Variants in RPRD2 observed in about 807,000 individuals in gnomAD.
RPRD2 encodes regulation of nuclear pre-mRNA domain-containing protein 2.
In RPRD2, 12 loss-of-function variants were observed where a neutral mutation model predicts 104.4. That is an observed-to-expected ratio of 0.11 (90% CI 0.07 to 0.19). RPRD2 has a LOEUF of 0.19. Ranked by LOEUF, RPRD2 falls within the 10% of genes least tolerant of loss-of-function variation. RPRD2 has a pLI of 1.00. For missense variants in RPRD2, 1,543 were observed against 1,790.1 expected (o/e 0.86, Z 2.49); for synonymous variants, 714 against 684.9 (o/e 1.04, Z -0.66).
In RPRD2 at chr1:150,472,309, C is replaced by T. The variant is rs759447769; in HGVS notation, c.3361C>T (p.Arg1121Cys). ...TGGGAAGGGAAATAGAGGACATGGG[C>T]GTGAGGCTTCAAGGGTGGGTTGGTT... ...VPGKGNRGHG[R>C]EASRVGWFDL... The change falls in exon 11 of 11, where the codon CGT becomes TGT. Residue 1121 changes from arginine to cysteine, a missense_variant. By Grantham distance (180) the Arg-to-Cys change is radical. Around this residue, in one of 4 missense-constraint regions of RPRD2, gnomAD observed 880 missense variants for 885.6 expected, o/e 0.99. Coordinates refer to ENST00000369068, the MANE Select transcript of RPRD2 (RefSeq NM_015203.5). 2.2e-5 allele frequency: 36 copies of T among 1,613,752 alleles called. No individual in the cohort carries two copies. The highest frequency in any genetic ancestry group is 3.3e-5 in the Admixed American group (2 of 59,976).
Position 150,474,209 on chromosome 1 carries a change from T to G in RPRD2, c.*875T>G, listed in dbSNP as rs1486312122. ...AAAGACAGTCACTACAGTTGACTAT[T>G]GATACAAAGGTGCAACAGAAATATT... is the stretch of plus-strand genomic sequence containing the variant. On this transcript the variant is annotated 3_prime_UTR_variant, in exon 11 of 11. Coordinates refer to ENST00000369068, the MANE Select transcript of RPRD2 (RefSeq NM_015203.5). 6.6e-6 allele frequency: 1 copy of G among 152,200 alleles called. No homozygotes were observed. The highest frequency in any genetic ancestry group is 2.4e-5 in the African/African-American group (1 of 41,454). The allele number at this position is 152,200 out of a possible 1,614,324, so 9.4% of individuals were successfully genotyped here. A position where few individuals can be genotyped will look rare whatever the true frequency, so the allele number is the denominator to read the frequency against.
At chr1:150,447,992 G>T (rs1191125386) in intron 7 of RPRD2, among the ~76,000 whole-genome samples, 1 of 152,062 alleles carries the variant, frequency 6.6e-6, no homozygotes, top group Non-Finnish European at 1.5e-5. Flanking sequence ...GTTTTGTTGT[G>T]TAACTGTTTT....
rs587604681 is a variant in RPRD2, at chr1:150,388,383, C to T, written c.205+23464C>T. 1.1e-4 allele frequency among the ~76,000 whole-genome samples: 17 copies of T among 150,098 alleles called. No individual in the cohort carries two copies. In the South Asian group the frequency reaches 3.6e-3, roughly 31 times the overall value. ...ATATATACATGTATACACATATACACGTATACACATGTATATACGTGTATA... is the reference window on the plus strand; with the variant it reads ...ATATATACATGTATACACATATACATGTATACACATGTATATACGTGTATA... On this transcript the variant is annotated intron_variant, in intron 1 of 10. Coordinates refer to ENST00000369068, the MANE Select transcript of RPRD2 (RefSeq NM_015203.5).
intron 1 of RPRD2, among the ~76,000 whole-genome samples, chr1:150,393,994 G>T (rs144931829): frequency 6.6e-6 from 1 of 151,976 alleles, no homozygotes; most frequent in Non-Finnish European, 1.5e-5. Flanking sequence ...TTGATGATGC[G>T]CTTTATATCG....
intron 7 of RPRD2, among the ~76,000 whole-genome samples, chr1:150,450,584 C>G (rs1255055849): frequency 1.5e-4 from 17 of 112,326 alleles, no homozygotes; most frequent in African/African-American, 5.9e-4. Context: ...CCAGCCTGGG[C>G]GACAGAGCAA....
intron 6 of RPRD2, among the ~76,000 whole-genome samples, 174 bp downstream of exon 6, chr1:150,444,551 G>A (rs1475947061): frequency 6.6e-6 from 1 of 152,040 alleles, no homozygotes; most frequent in African/African-American, 2.4e-5. Flanking sequence ...AAATTCTGTT[G>A]TTCTCATTTC....
In RPRD2 at chr1:150,458,896, G is replaced by A. The variant is rs753684521; in HGVS notation, c.1154-1164G>A. On this transcript the variant is annotated intron_variant, in intron 8 of 10. Transcript: ENST00000369068. ...TGACCTCAAGTGATCCGCCTGCCTC[G>A]GCCTCTCAAAGTGCTGGGAGGTGGG... Among the ~76,000 whole-genome samples, 22 of 152,188 alleles carry A rather than the reference G, an allele frequency of 1.4e-4. No individual in the cohort carries two copies. The Middle Eastern group carries it at 0.014, about 94-fold the overall frequency.
At chr1:150,419,715 G>A (rs1327128444) in intron 2 of RPRD2, among the ~76,000 whole-genome samples, 1 of 152,112 alleles carries the variant, frequency 6.6e-6, no homozygotes, top group Non-Finnish European at 1.5e-5. Flanking sequence ...TCCGCCTCCT[G>A]GGTTCAAGCA....
rs587756925 is a variant in RPRD2 at position 150,408,820 on chromosome 1, G to T, written c.206-8776G>T. The T allele has an allele frequency of 2.0e-5, 3 of 152,152 alleles. No individual in the cohort carries two copies. The East Asian group carries it at 5.8e-4, about 29-fold the overall frequency. The allele number at this position is 152,152 out of a possible 1,614,324, so 9.4% of individuals were successfully genotyped here. ...TATAAATAACATTTTTGTCCATGTG[G>T]CTTTTTCTTCTTTTTGTTTTTCCTT... On this transcript the variant is annotated intron_variant, in intron 1 of 10. Transcript: ENST00000369068.
intron 1 of RPRD2, among the ~76,000 whole-genome samples, chr1:150,395,148 A>C (rs1014111414): frequency 1.3e-5 from 2 of 151,328 alleles, no homozygotes; most frequent in Non-Finnish European, 2.9e-5. Context: ...TTTATCCCTC[A>C]CCCCCTTCCC....
chr1:150,465,468 A>G (rs1668204787), intron 10 of RPRD2, among the ~76,000 whole-genome samples: 1 of 152,168 alleles, frequency 6.6e-6, no homozygotes, highest in Non-Finnish European at 1.5e-5. Context: ...GAATTATAAA[A>G]TGTGAAAGCT....
At chr1:150,426,137 A>C (rs1665110880) in intron 2 of RPRD2, among the ~76,000 whole-genome samples, 1 of 151,794 alleles carries the variant, frequency 6.6e-6, no homozygotes, top group South Asian at 2.1e-4. Flanking sequence ...ATGCCACTTA[A>C]AGCCTTCTAC....
At chr1:150,374,843 G>C (rs965679833) in intron 1 of RPRD2, among the ~76,000 whole-genome samples, 3 of 152,092 alleles carry the variant, frequency 2.0e-5, no homozygotes, top group Non-Finnish European at 4.4e-5. Flanking sequence ...TGAGGTTCAA[G>C]GTAAACTTTG....
Position 150,457,357 on chromosome 1 carries a change from C to G in RPRD2, c.940C>G (p.Pro314Ala), listed in dbSNP as rs1667604709. 6.2e-7 allele frequency: 1 copy of G among 1,608,424 alleles called. No individual in the cohort carries two copies. Among genetic ancestry groups the G allele is most frequent in the Non-Finnish European group, 8.5e-7 (1 of 1,174,942 alleles). ...KKLDQLKSTL[P>A]DPEESPVPSP... ...GTTGGATCAATTGAAGTCAACCCTT[C>G]CAGATCCTGAAGAATCACCAGTTCC... The change falls in exon 8 of 11, where the codon CCA becomes GCA. Residue 314 changes from proline (P) to alanine (A), a missense_variant. This residue lies in a region of RPRD2 where 572 missense variants were observed against 787.3 expected (regional missense o/e 0.73). Coordinates refer to ENST00000369068, the MANE Select transcript of RPRD2 (RefSeq NM_015203.5).
At chr1:150,432,846 A>T (rs1003108432) in intron 2 of RPRD2, among the ~76,000 whole-genome samples, 2 of 151,594 alleles carry the variant, frequency 1.3e-5, no homozygotes, top group South Asian at 2.1e-4. Context: ...GTGTGGTGGC[A>T]TGTGTTTATA....
intron 1 of RPRD2, among the ~76,000 whole-genome samples, chr1:150,399,746 G>T (rs1304194229): frequency 1.4e-5 from 2 of 142,286 alleles, no homozygotes; most frequent in African/African-American, 5.0e-5. Flanking sequence ...GACAGAGTGA[G>T]ACCCCATCTC....
chr1:150,409,672 G>A (rs1663751993), intron 1 of RPRD2, among the ~76,000 whole-genome samples: 1 of 121,536 alleles, frequency 8.2e-6, no homozygotes, highest in Non-Finnish European at 1.7e-5. Context: ...TTTTTGAGTC[G>A]GAGTCTTGCT....
Position 150,472,346 on chromosome 1 carries a change from C to T in RPRD2, c.3398C>T (p.Thr1133Ile). The T allele has an allele frequency of 6.2e-7, 1 of 1,613,990 alleles. No individual in the cohort carries two copies. Among genetic ancestry groups the T allele is most frequent in the Non-Finnish European group, 8.5e-7 (1 of 1,179,876 alleles). The change falls in exon 11 of 11, where the codon ACA becomes ATA. Residue 1133 changes from threonine (T) to isoleucine (I), a missense_variant. Physicochemically the swap from Thr to Ile is moderately conservative, Grantham distance 89 (BLOSUM62 -1). This residue lies in a region of RPRD2 where 880 missense variants were observed against 885.6 expected (regional missense o/e 0.99). Transcript: ENST00000369068. ...ASRVGWFDLS[T>I]SGSSFDNGPS... is the part of the protein sequence containing the mutation. ...AGGGTGGGTTGGTTTGATCTGAGCA[C>T]ATCAGGTAGCTCTTTTGACAATGGC...
chr1:150,428,065 A>G (rs1553890872), intron 2 of RPRD2, among the ~76,000 whole-genome samples: 1 of 152,174 alleles, frequency 6.6e-6, no homozygotes, highest in East Asian at 1.9e-4. Context: ...AGATAACATA[A>G]AACTAAAGTG....
Sources: gnomAD v4.1 joint callset for allele counts (sites outside exome capture counted in the v4.1 genomes callset) on GRCh38, gnomAD v4.1.1 for gene constraint, gnomAD v4.1.1 regional missense constraint, MANE v1.5 for transcripts, NCBI Gene and HGNC (gene_info 2026-07-23, HGNC 2026-07-21) for gene names.